The following WWP2 variants were observed in gnomAD, a reference collection of about 807,000 sequenced individuals.
The protein encoded by WWP2 is WW domain containing E3 ubiquitin protein ligase 2.
WWP2 carries 57 observed loss-of-function variants against 121.0 expected under a neutral mutation model. The ratio of observed to expected loss-of-function variants is 0.47; its 90% CI spans 0.38 to 0.59. The LOEUF (loss-of-function observed/expected upper bound fraction) is 0.59, where lower values mean the gene tolerates loss of function less well. Ranked by LOEUF, WWP2 falls within the 20% of genes least tolerant of loss-of-function variation. WWP2 has a pLI of 0.00. For missense variants in WWP2, 962 were observed against 1,158.9 expected (o/e 0.83, Z 2.47); for synonymous variants, 449 against 441.3 (o/e 1.02, Z -0.22).
At chr16:69,873,488 C>T (rs1597090744) in intron 7 of WWP2, among the ~76,000 whole-genome samples, 1 of 152,320 alleles carries the variant, frequency 6.6e-6, no homozygotes, top group Middle Eastern at 3.4e-3. Flanking sequence ...GGTGGGGAGT[C>T]CCAGGGCTGC....
chr16:69,799,080 C>T lies in WWP2; in HGVS notation c.219-94C>T. 1 of 1,530,084 alleles carries T rather than the reference C, an allele frequency of 6.5e-7. No individual in the cohort carries two copies. Among genetic ancestry groups the T allele is most frequent in the East Asian group, 2.3e-5 (1 of 44,218 alleles). 94.8% of individuals were successfully genotyped at this position (1,530,084 alleles called of 1,614,324 possible). On this transcript the variant is annotated intron_variant, in intron 3 of 23. Transcript: ENST00000359154. This position sits in a 1 kb window ranked among gnomAD's most constrained non-coding sequence, Gnocchi z 4.5. The stretch of plus-strand genomic sequence containing the variant: ...GGGTGTCTGCCTGTTTTGGTTCCCC[C>T]TCCCCAAGATGTCAGCAGTTTAGTT...
At chr16:69,817,085 A>G (rs945689774) in intron 4 of WWP2, among the ~76,000 whole-genome samples, 10 of 152,216 alleles carry the variant, frequency 6.6e-5, no homozygotes, top group Admixed American at 2.0e-4. Context: ...ACTTTGTAAT[A>G]TAGCCACTGT....
intron 8 of WWP2, among the ~76,000 whole-genome samples, chr16:69,896,199 G>A (rs1280787098): frequency 2.0e-5 from 3 of 152,110 alleles, no homozygotes; most frequent in Non-Finnish European, 4.4e-5. Flanking sequence ...ATAGCTCACT[G>A]CAGCCTCAAC....
intron 9 of WWP2, among the ~76,000 whole-genome samples, chr16:69,913,525 A>G (rs1007487052): frequency 2.0e-5 from 3 of 151,884 alleles, no homozygotes; most frequent in Non-Finnish European, 4.4e-5. Flanking sequence ...AATAAATAAA[A>G]ATAAATGTGA....
At chr16:69,784,574 A>G (rs1440443924) in intron 1 of WWP2, among the ~76,000 whole-genome samples, 1 of 152,200 alleles carries the variant, frequency 6.6e-6, no homozygotes, top group Non-Finnish European at 1.5e-5. Context: ...AGAAAAAGCC[A>G]GGTTCGCCTG....
At chr16:69,797,424 A>G (rs1431483111) in intron 2 of WWP2, among the ~76,000 whole-genome samples, 3 of 152,080 alleles carry the variant, frequency 2.0e-5, no homozygotes, top group African/African-American at 7.2e-5. Flanking sequence ...AGAGTGGGAG[A>G]GTGACCTTGC....
intron 6 of WWP2, among the ~76,000 whole-genome samples, chr16:69,848,514 G>A (rs2057130334): frequency 6.6e-6 from 1 of 151,526 alleles, no homozygotes; most frequent in Non-Finnish European, 1.5e-5. Flanking sequence ...GCTCATGCCT[G>A]TAATCCCAGC....
At chr16:69,898,279 C>T (rs1461132070) in intron 8 of WWP2, among the ~76,000 whole-genome samples, 5 of 152,100 alleles carry the variant, frequency 3.3e-5, no homozygotes, top group South Asian at 2.1e-4. Context: ...CTGCCCACCT[C>T]GGCCTCCCAA....
rs140093063 is a variant in WWP2 at position 69,898,854 on chromosome 16, C to G, written c.915-9907C>G. ...GAGTAGCTGGGATTACAGGCATGTG[C>G]CACCACTCCCAGATACTTTTTCTGT... On this transcript the variant is annotated intron_variant, in intron 8 of 23. Transcript: ENST00000359154. 7.7e-3 allele frequency among the ~76,000 whole-genome samples: 1,166 copies of G among 152,238 alleles called. 16 individuals carry two copies. Among genetic ancestry groups the G allele is most frequent in the African/African-American group, 0.027 (1,121 of 41,526 alleles).
At chr16:69,934,989 G>A (rs12708902) in intron 17 of WWP2, among the ~76,000 whole-genome samples, 97,889 of 151,802 alleles carry the variant, frequency 0.64, 31,932 homozygotes, top group East Asian at 0.94. Flanking sequence ...TCTGGGGAGG[G>A]GCGTCCCAGC....
chr16:69,854,894 C>T (rs965711281), intron 6 of WWP2, among the ~76,000 whole-genome samples: 1 of 151,998 alleles, frequency 6.6e-6, no homozygotes, highest in African/African-American at 2.4e-5. Flanking sequence ...CTTGTTCTGT[C>T]ATCCAGGCTA....
chr16:69,808,576 A>G (rs1653162283), intron 4 of WWP2, among the ~76,000 whole-genome samples: 1 of 151,188 alleles, frequency 6.6e-6, no homozygotes, highest in African/African-American at 2.4e-5. Context: ...TAATTTTTGT[A>G]TTTTCAGCAG....
At chr16:69,785,072 C>A (rs183124435) in intron 1 of WWP2, among the ~76,000 whole-genome samples, 102 of 152,046 alleles carry the variant, frequency 6.7e-4, no homozygotes, top group Admixed American at 1.1e-3. Flanking sequence ...CCCATCTCTA[C>A]TAAAAATACA....
At chr16:69,845,839 C>T (rs2151880243) in intron 6 of WWP2, among the ~76,000 whole-genome samples, 1 of 151,854 alleles carries the variant, frequency 6.6e-6, no homozygotes, top group Admixed American at 6.6e-5. Flanking sequence ...CACTTGAGGT[C>T]AGGAGTTTGA....
intron 8 of WWP2, among the ~76,000 whole-genome samples, chr16:69,888,625 TG>T (rs1381512518): frequency 2.0e-5 from 3 of 152,174 alleles, no homozygotes; most frequent in African/African-American, 7.2e-5. Context: ...ACGGAGGAGT[TG>T]GGTTTTAGGC....
At position 69,908,737 on chromosome 16, in the gene WWP2, GCTACC is replaced by G; in HGVS notation, c.915-21_915-17del. On this transcript the variant is annotated intron_variant, in intron 8 of 23. Transcript: ENST00000359154. ...TATGCCTTTCCACTGTGTGTCTCAT[GCTACC>G]CTTGACTTTATTTTTCAGATGGGAA... 1 of 1,613,750 alleles carries G rather than the reference GCTACC, an allele frequency of 6.2e-7. No individual in the cohort carries two copies. The highest frequency in any genetic ancestry group is 8.5e-7 in the Non-Finnish European group (1 of 1,179,784).
intron 7 of WWP2, among the ~76,000 whole-genome samples, chr16:69,883,123 A>T (rs1164392374): frequency 6.6e-6 from 1 of 151,644 alleles, no homozygotes; most frequent in East Asian, 1.9e-4. Context: ...ACTGCACTCC[A>T]GTTTGGGTGG....
rs1959443125 is a variant in WWP2, at chr16:69,935,798, T to A, written c.1843-55T>A. ...TTGATACCGAGCATCTGAGAGCTGG[T>A]CTTGGCAGTGCCCAGGGAAGGCCAA... On this transcript the variant is annotated intron_variant, in intron 17 of 23. Coordinates refer to ENST00000359154, the MANE Select transcript of WWP2 (RefSeq NM_001270454.2). The surrounding 1 kb of genome is among the most constrained non-coding windows in gnomAD (Gnocchi z 5.2). 6.4e-7 allele frequency: 1 copy of A among 1,566,046 alleles called. No individual in the cohort carries two copies. Among genetic ancestry groups the A allele is most frequent in the Non-Finnish European group, 8.6e-7 (1 of 1,158,986 alleles).
chr16:69,834,718 G>A (rs2056846052), intron 4 of WWP2, among the ~76,000 whole-genome samples: 1 of 151,770 alleles, frequency 6.6e-6, no homozygotes. Context: ...AGTAGAGACA[G>A]GGTTTCACCA....
Sources: gnomAD v4.1 joint callset for allele counts (sites outside exome capture counted in the v4.1 genomes callset) on GRCh38, gnomAD v4.1.1 for gene constraint, Gnocchi (gnomAD v3.1) non-coding constraint, MANE v1.5 for transcripts, NCBI Gene and HGNC (gene_info 2026-07-23, HGNC 2026-07-21) for gene names.